Variants in GALNT13 observed in about 807,000 individuals in gnomAD.
GALNT13 encodes polypeptide N-acetylgalactosaminyltransferase 13.
GALNT13 carries 28 observed loss-of-function variants against 64.2 expected under a neutral mutation model. The observed-to-expected ratio is 0.44, with a 90% CI of 0.32 to 0.60. The LOEUF (loss-of-function observed/expected upper bound fraction) is 0.60, where lower values mean the gene tolerates loss of function less well. Among genes scored for constraint, GALNT13 ranks in the 20% least tolerant of loss-of-function variants. GALNT13 has a pLI of 0.05. For synonymous variants in GALNT13, 214 were observed against 224.6 expected, an observed-to-expected ratio of 0.95 and a Z score of 0.42; for missense variants, 577 against 669.8, an observed-to-expected ratio of 0.86 and a Z score of 1.53.
chr2:154,454,914 G>A (rs931770633), downstream of GALNT13, among the ~76,000 whole-genome samples: 25 of 152,032 alleles, frequency 1.6e-4, no homozygotes, highest in African/African-American at 5.8e-4. Flanking sequence ...GTAAGGTTTG[G>A]CCTACAGCTT....
intron 4 of GALNT13, among the ~76,000 whole-genome samples, chr2:154,223,543 C>A (rs113791150): frequency 1.3e-5 from 2 of 149,912 alleles, no homozygotes; most frequent in African/African-American, 4.9e-5. Flanking sequence ...CCTCCGCCTC[C>A]TGGGTTCAAG....
At chr2:154,131,948 T>C (rs373718430) in intron 3 of GALNT13, among the ~76,000 whole-genome samples, 30 of 152,290 alleles carry the variant, frequency 2.0e-4, no homozygotes, top group African/African-American at 6.7e-4. Flanking sequence ...TGGAGTACCA[T>C]GTTCGAGGGC....
the GALNT13 span, among the ~76,000 whole-genome samples, chr2:153,126,804 A>G: frequency 5.9e-5 from 9 of 152,224 alleles, no homozygotes; most frequent in Admixed American, 5.9e-4. Flanking sequence ...TAGAATTCTC[A>G]TGGCTAATCT....
chr2:154,229,507 G>A (rs1688803788), intron 4 of GALNT13, among the ~76,000 whole-genome samples: 1 of 152,052 alleles, frequency 6.6e-6, no homozygotes, highest in African/African-American at 2.4e-5. Context: ...ACTTCAGAAT[G>A]ACTTCAACCT....
intron 2 of GALNT13, among the ~76,000 whole-genome samples, chr2:153,910,958 CAA>C: frequency 6.6e-6 from 1 of 152,224 alleles, no homozygotes; most frequent in African/African-American, 2.4e-5. Flanking sequence ...CTTTTGAGTT[CAA>C]GTCCTAAATG....
intron 3 of GALNT13, among the ~76,000 whole-genome samples, chr2:153,971,832 A>T (rs1262559378): frequency 6.6e-6 from 1 of 152,118 alleles, no homozygotes; most frequent in Non-Finnish European, 1.5e-5. Flanking sequence ...AAAAAAAATC[A>T]TGTCAACCTG....
At chr2:154,112,881 G>C (rs567385579) in intron 3 of GALNT13, among the ~76,000 whole-genome samples, 8 of 152,168 alleles carry the variant, frequency 5.3e-5, no homozygotes, top group Non-Finnish European at 1.2e-4. Flanking sequence ...GAGAAGGCAG[G>C]GTGGCCGGAG....
the GALNT13 span, among the ~76,000 whole-genome samples, chr2:153,141,157 C>T: frequency 6.6e-6 from 1 of 152,044 alleles, no homozygotes; most frequent in South Asian, 2.1e-4. Flanking sequence ...CCTGGAAGAG[C>T]ATAATGTTTT....
intron 4 of GALNT13, among the ~76,000 whole-genome samples, chr2:154,221,014 G>T (rs2105821805): frequency 6.6e-6 from 1 of 151,968 alleles, no homozygotes; most frequent in South Asian, 2.1e-4. Flanking sequence ...TAGTGCACTG[G>T]GGCTTAGAAA....
chr2:154,043,903 C>T (rs1480594997), intron 3 of GALNT13, among the ~76,000 whole-genome samples: 1 of 151,964 alleles, frequency 6.6e-6, no homozygotes, highest in East Asian at 1.9e-4. Flanking sequence ...CCAGTCTCTA[C>T]AAAAAATTCA....
chr2:153,181,954 T>C, the GALNT13 span, among the ~76,000 whole-genome samples: 5 of 150,140 alleles, frequency 3.3e-5, no homozygotes, highest in African/African-American at 1.2e-4. Flanking sequence ...GGTAATTTAG[T>C]ATATTAATAT....
At chr2:153,401,331 G>C in the GALNT13 span, among the ~76,000 whole-genome samples, 1 of 151,840 alleles carries the variant, frequency 6.6e-6, no homozygotes, top group Non-Finnish European at 1.5e-5. Context: ...TTGCTGAGGA[G>C]AGCTTTACTT....
chr2:153,381,120 A>AT, the GALNT13 span, among the ~76,000 whole-genome samples: 1 of 151,620 alleles, frequency 6.6e-6, no homozygotes, highest in Non-Finnish European at 1.5e-5. Context: ...TAATATTTGT[A>AT]TTTTTTTGTA....
chr2:154,306,566 C>G lies in GALNT13; in HGVS notation c.1156+4977C>G, dbSNP rs1488400714. The stretch of plus-strand genomic sequence containing the variant: ...AGGAGATCAGAGTTTCATTATTACT[C>G]AAATCAGTCTCCCTAAAAATTCAGG... On this transcript the variant is annotated intron_variant, in intron 9 of 12. Coordinates refer to ENST00000392825, the MANE Select transcript of GALNT13 (RefSeq NM_052917.4). 2.8e-5 allele frequency among the ~76,000 whole-genome samples: 4 copies of G among 141,588 alleles called. No individual in the cohort carries two copies. In the Admixed American group the frequency reaches 3.1e-4, roughly 11 times the overall value. The allele number at this position is 141,588 out of a possible 152,430, so 92.9% of individuals were successfully genotyped here.
the GALNT13 span, among the ~76,000 whole-genome samples, chr2:153,403,530 C>G: frequency 9.1e-4 from 139 of 152,266 alleles, no homozygotes; most frequent in African/African-American, 2.1e-3. Context: ...CCCCAGCCTC[C>G]CTGCCACCTT....
At chr2:153,077,243 T>C in the GALNT13 span, among the ~76,000 whole-genome samples, 90 of 152,246 alleles carry the variant, frequency 5.9e-4, no homozygotes, top group African/African-American at 2.0e-3. Flanking sequence ...TGAGCCACCA[T>C]GCCTGGCTCC....
chr2:153,323,185 C>A, the GALNT13 span, among the ~76,000 whole-genome samples: 1 of 152,182 alleles, frequency 6.6e-6, no homozygotes, highest in East Asian at 1.9e-4. Flanking sequence ...TTAATGATTG[C>A]CACTCTAACT....
the GALNT13 span, among the ~76,000 whole-genome samples, chr2:153,600,481 A>C: frequency 4.1e-4 from 63 of 152,116 alleles, no homozygotes; most frequent in Non-Finnish European, 1.2e-4. Flanking sequence ...TATATAACTC[A>C]ATATGACAGG....
chr2:154,075,902 A>G (rs1362233483), intron 3 of GALNT13, among the ~76,000 whole-genome samples: 3 of 151,702 alleles, frequency 2.0e-5, no homozygotes, highest in Non-Finnish European at 3.0e-5. Context: ...TGTTTTATAT[A>G]TATACACATT....
Sources: gnomAD v4.1 joint callset for allele counts (sites outside exome capture counted in the v4.1 genomes callset) on GRCh38, gnomAD v4.1.1 for gene constraint, MANE v1.5 for transcripts, NCBI Gene and HGNC (gene_info 2026-07-23, HGNC 2026-07-21) for gene names.